CMSS1: variants seen among roughly 807,000 people sequenced by gnomAD.
CMSS1 encodes the protein protein CMSS1.
A neutral mutation model predicts 43.5 loss-of-function variants in CMSS1; 33 were observed. The ratio of observed to expected loss-of-function variants is 0.76; its 90% confidence interval spans 0.57 to 1.01. CMSS1 has a LOEUF of 1.01. Ranked by LOEUF, CMSS1 falls within the 50% of genes least tolerant of loss-of-function variation. The pLI, the probability that CMSS1 is intolerant of heterozygous loss-of-function variation, is 0.00. For missense variants in CMSS1, 313 were observed against 326.4 expected, an observed-to-expected ratio of 0.96 and a Z score of 0.32; for synonymous variants, 115 against 117.2, an observed-to-expected ratio of 0.98 and a Z score of 0.12.
intron 6 of CMSS1, among the ~76,000 whole-genome samples, chr3:100,170,725 A>C (rs2067103090): frequency 6.6e-6 from 1 of 152,202 alleles, no homozygotes; most frequent in South Asian, 2.1e-4. Flanking sequence ...TAGAGGTAGA[A>C]AGGCAGGCAC....
At chr3:100,114,990 T>G in intron 1 of CMSS1, 5 of 1,523,832 alleles carry the variant, frequency 3.3e-6, no homozygotes, top group Non-Finnish European at 4.4e-6. Flanking sequence ...AACATCGGAA[T>G]GCATGGTGGT....
intron 1 of CMSS1, among the ~76,000 whole-genome samples, chr3:100,145,972 T>A (rs1486980074): frequency 6.6e-6 from 1 of 152,204 alleles, no homozygotes. Flanking sequence ...TATGCAAACA[T>A]TTAAAAGCAC....
At chr3:100,165,489 G>A (rs182712756) in intron 4 of CMSS1, among the ~76,000 whole-genome samples, 1 of 152,098 alleles carries the variant, frequency 6.6e-6, no homozygotes, top group African/African-American at 2.4e-5. Flanking sequence ...ATATTAAAAT[G>A]TATCTAAAAT....
chr3:99,943,661 G>C (rs188772272), intron 1 of CMSS1, among the ~76,000 whole-genome samples: 1 of 151,840 alleles, frequency 6.6e-6, no homozygotes, highest in Non-Finnish European at 1.5e-5. Flanking sequence ...CCGAGATCAC[G>C]CCACTGCACT....
intron 1 of CMSS1, among the ~76,000 whole-genome samples, chr3:100,019,022 G>A (rs1407725784): frequency 6.6e-6 from 1 of 152,150 alleles, no homozygotes; most frequent in Non-Finnish European, 1.5e-5. Context: ...TAGAATGACT[G>A]TTATCAAAAA....
chr3:99,858,342 G>A (rs537449281), intron 1 of CMSS1, among the ~76,000 whole-genome samples: 2 of 152,064 alleles, frequency 1.3e-5, no homozygotes, highest in African/African-American at 4.8e-5. Flanking sequence ...GCACGTGCCT[G>A]TGGTCCCAGC....
intron 1 of CMSS1, among the ~76,000 whole-genome samples, chr3:100,066,897 A>G (rs917224259): frequency 1.3e-5 from 2 of 152,120 alleles, no homozygotes; most frequent in Non-Finnish European, 2.9e-5. Context: ...TGACCATACC[A>G]TATTTATAGC....
intron 1 of CMSS1, among the ~76,000 whole-genome samples, chr3:100,087,479 T>G (rs376857347): frequency 6.6e-6 from 1 of 152,170 alleles, no homozygotes; most frequent in African/African-American, 2.4e-5. Flanking sequence ...ATTTCCACAA[T>G]GACTAATGGT....
intron 1 of CMSS1, among the ~76,000 whole-genome samples, chr3:99,852,502 G>C (rs1282789971): frequency 2.0e-5 from 3 of 152,078 alleles, no homozygotes; most frequent in Non-Finnish European, 4.4e-5. Context: ...CTGGAGTGCA[G>C]TGGGGCGATC....
intron 1 of CMSS1, among the ~76,000 whole-genome samples, chr3:99,892,507 A>C (rs1475114733): frequency 6.6e-6 from 1 of 152,228 alleles, no homozygotes; most frequent in African/African-American, 2.4e-5. Context: ...GGCAGGTTCT[A>C]GACATAGCAT....
chr3:100,160,982 A>G (rs2067018513), intron 3 of CMSS1, among the ~76,000 whole-genome samples: 1 of 152,234 alleles, frequency 6.6e-6, no homozygotes, highest in Non-Finnish European at 1.5e-5. Context: ...AAATTAGGTC[A>G]AAAAAGCTCC....
chr3:99,832,846 AAAAAAAAAAAAGTTGTTTTTTTTTTT>A (rs1436701057), intron 1 of CMSS1, among the ~76,000 whole-genome samples: 2 of 149,412 alleles, frequency 1.3e-5, no homozygotes, highest in Non-Finnish European at 3.0e-5. Flanking sequence ...TCTCAAAAAA[AAAAAAAAAAAAGTTGTTTTTTTTTTT>A]TTTCTTGTAT....
intron 4 of CMSS1, among the ~76,000 whole-genome samples, chr3:100,164,940 G>T (rs2067054141): frequency 6.6e-6 from 1 of 152,118 alleles, no homozygotes; most frequent in African/African-American, 2.4e-5. Context: ...ACTTAATTAG[G>T]ATTTCAAGGT....
chr3:99,983,460 GTGTGTATA>G (rs1709215340), intron 1 of CMSS1, among the ~76,000 whole-genome samples: 6 of 69,470 alleles, frequency 8.6e-5, no homozygotes, highest in African/African-American at 4.1e-4. Context: ...ATATATATAT[GTGTGTATA>G]TATATATATA....
chr3:99,983,123 G>A (rs977587803), intron 1 of CMSS1, among the ~76,000 whole-genome samples: 5 of 151,734 alleles, frequency 3.3e-5, no homozygotes, highest in African/African-American at 7.3e-5. Context: ...TCTTTTTACA[G>A]CTATTATCTC....
At chr3:99,972,516 G>A (rs887697795) in intron 1 of CMSS1, among the ~76,000 whole-genome samples, 25 of 152,074 alleles carry the variant, frequency 1.6e-4, no homozygotes, top group African/African-American at 4.8e-4. Context: ...TTGGTGACAC[G>A]GCCTCATTTT....
intron 1 of CMSS1, among the ~76,000 whole-genome samples, chr3:100,055,089 T>G (rs2065441884): frequency 6.6e-6 from 1 of 152,182 alleles, no homozygotes; most frequent in African/African-American, 2.4e-5. Context: ...GGAAGTCTCC[T>G]GCCTCAGACT....
chr3:99,956,407 C>T (rs1435524806), intron 1 of CMSS1, among the ~76,000 whole-genome samples: 1 of 152,162 alleles, frequency 6.6e-6, no homozygotes, highest in Non-Finnish European at 1.5e-5. Context: ...GGCTGGAGTG[C>T]CCTGGCATGA....
At chr3:99,848,046 C>G in intron 1 of CMSS1, 1 of 1,243,134 alleles carries the variant, frequency 8.0e-7, no homozygotes, top group Non-Finnish European at 1.0e-6. Flanking sequence ...TATACAAGTG[C>G]AGACTAAATA....
Sources: allele counts gnomAD v4.1 joint callset (sites outside exome capture counted in the v4.1 genomes callset), GRCh38; gene constraint gnomAD v4.1.1; transcripts MANE v1.5; gene names NCBI Gene and HGNC (gene_info 2026-07-23, HGNC 2026-07-21).